Variants in PDSS2 observed in about 807,000 individuals in gnomAD.
The protein encoded by PDSS2 is all trans-polyprenyl-diphosphate synthase PDSS2.
PDSS2 carries 31 observed loss-of-function variants against 44.5 expected under a neutral mutation model. That is an observed-to-expected ratio of 0.70 (90% CI 0.52 to 0.94). The LOEUF is 0.94. Ranked by LOEUF, PDSS2 falls within the 40% of genes least tolerant of loss-of-function variation. The pLI, the probability that PDSS2 is intolerant of heterozygous loss-of-function variation, is 0.00. For missense variants in PDSS2, 452 were observed against 482.2 expected (o/e 0.94, Z 0.59); for synonymous variants, 157 against 180.3 (o/e 0.87, Z 1.03).
intron 2 of PDSS2, among the ~76,000 whole-genome samples, chr6:107,306,324 C>G (rs946048348): frequency 2.6e-5 from 4 of 152,148 alleles, no homozygotes; most frequent in Admixed American, 2.0e-4. Flanking sequence ...CTCATGAGAT[C>G]TGATGGTTTT....
At chr6:107,253,778 CA>C (rs1386000845) in intron 3 of PDSS2, among the ~76,000 whole-genome samples, 5 of 152,060 alleles carry the variant, frequency 3.3e-5, no homozygotes, top group Non-Finnish European at 5.9e-5. Flanking sequence ...GAAGCAATGC[CA>C]AATAGTCATT....
intron 1 of PDSS2, among the ~76,000 whole-genome samples, chr6:107,345,280 C>G (rs1365424411): frequency 2.0e-5 from 3 of 150,332 alleles, no homozygotes; most frequent in African/African-American, 7.4e-5. Flanking sequence ...CATTCAAATG[C>G]AAGAGAACTA....
At chr6:107,458,649 T>TAAA (rs34853592) in intron 1 of PDSS2, among the ~76,000 whole-genome samples, 1 of 143,312 alleles carries the variant, frequency 7.0e-6, no homozygotes, top group East Asian at 2.0e-4. Context: ...TCTATCCCAT[T>TAAA]AAAAAAAAAA....
At chr6:107,341,564 G>A (rs921792410) in intron 1 of PDSS2, among the ~76,000 whole-genome samples, 2 of 151,920 alleles carry the variant, frequency 1.3e-5, no homozygotes, top group African/African-American at 4.8e-5. Flanking sequence ...GAGAAGGGAA[G>A]GGAATCTTGG....
At chr6:107,242,132 A>T (rs1335683107) in intron 4 of PDSS2, among the ~76,000 whole-genome samples, 1 of 152,134 alleles carries the variant, frequency 6.6e-6, no homozygotes, top group Non-Finnish European at 1.5e-5. Flanking sequence ...AAAAGCCAGA[A>T]TTTTTCTGGT....
rs886060929 is a variant in PDSS2, at chr6:107,334,214, T to C, written c.415A>G (p.Ser139Gly). Reference protein sequence around the residue: ...NTSCQNYDMVSGIYSCQRSLA... With the variant: ...NTSCQNYDMVGGIYSCQRSLA... ...TCTTCTTACCATGAGTAGATCCCAC[T>C]GACCATGTCATAGTTCTGACATGAA... Residue 139 changes from serine to glycine, a missense_variant, in exon 2 of 8, where the codon AGT becomes GGT. Physicochemically the swap from Ser to Gly is moderately conservative, Grantham distance 56. Coordinates refer to ENST00000369037, the MANE Select transcript of PDSS2 (RefSeq NM_020381.4). 6.2e-7 allele frequency: 1 copy of C among 1,613,846 alleles called. No homozygotes were observed. Among genetic ancestry groups the C allele is most frequent in the Non-Finnish European group, 8.5e-7 (1 of 1,179,856 alleles).
At chr6:107,198,711 T>C (rs1772650863) in intron 6 of PDSS2, among the ~76,000 whole-genome samples, 1 of 152,068 alleles carries the variant, frequency 6.6e-6, no homozygotes, top group African/African-American at 2.4e-5. Context: ...ATTCCAACAC[T>C]TTGGGAGACC....
Position 107,204,580 on chromosome 6 carries a change from A to G in PDSS2, c.1008+5859T>C, listed in dbSNP as rs149049375. 8.5e-4 allele frequency among the ~76,000 whole-genome samples: 130 copies of G among 152,276 alleles called. 1 individual carries two copies. The highest frequency in any genetic ancestry group is 3.0e-3 in the African/African-American group (125 of 41,570). Reference sequence around the variant, plus strand: ...GACAACATTGCATGCCTGCACCTGTATCACTTTTTCATGGTTTCCTTTGCC... The same window carrying G: ...GACAACATTGCATGCCTGCACCTGTGTCACTTTTTCATGGTTTCCTTTGCC... On this transcript the variant is annotated intron_variant, in intron 6 of 7. Transcript: ENST00000369037.
chr6:107,418,607 G>A (rs1229463079), intron 1 of PDSS2, among the ~76,000 whole-genome samples: 1 of 151,882 alleles, frequency 6.6e-6, no homozygotes, highest in Admixed American at 6.6e-5. Flanking sequence ...CCCCGCATCT[G>A]CCAAAAATAC....
chr6:107,219,765 C>T (rs1773538084), intron 4 of PDSS2, among the ~76,000 whole-genome samples: 1 of 152,162 alleles, frequency 6.6e-6, no homozygotes, highest in African/African-American at 2.4e-5. Flanking sequence ...AGACCTGGTA[C>T]TAGTCACTTT....
intron 4 of PDSS2, among the ~76,000 whole-genome samples, chr6:107,228,063 T>C (rs1773895314): frequency 6.6e-6 from 1 of 152,222 alleles, no homozygotes; most frequent in Non-Finnish European, 1.5e-5. Context: ...CTAATAGTGA[T>C]GTTTTATCTC....
rs552486965 is a variant in PDSS2 at position 107,414,582 on chromosome 6, C to T, written c.296+44408G>A. ...CTAAACTGGATGCCAAAATAAGGCT[C>T]TAGCTGCTCAGAAATACTTCCTTCT... On this transcript the variant is annotated intron_variant, in intron 1 of 7. Coordinates refer to ENST00000369037, the MANE Select transcript of PDSS2 (RefSeq NM_020381.4). Among the ~76,000 whole-genome samples, 3 of 152,348 alleles carry T rather than the reference C, an allele frequency of 2.0e-5. No individual in the cohort carries two copies. In the South Asian group the frequency reaches 6.2e-4, roughly 32 times the overall value.
intron 2 of PDSS2, among the ~76,000 whole-genome samples, chr6:107,309,553 A>G (rs1036354237): frequency 6.6e-6 from 1 of 152,172 alleles, no homozygotes; most frequent in African/African-American, 2.4e-5. Context: ...TCTCTATGAA[A>G]AAGACTGAGC....
intron 4 of PDSS2, among the ~76,000 whole-genome samples, chr6:107,233,674 G>C (rs751063875): frequency 6.6e-6 from 1 of 151,894 alleles, no homozygotes; most frequent in African/African-American, 2.4e-5. Flanking sequence ...TTAGGCAGGC[G>C]TGGTGGTGTA....
At position 107,245,605 on chromosome 6, in the gene PDSS2, T is replaced by C; in HGVS notation, c.645A>G (p.Leu215=). 6.3e-7 allele frequency: 1 copy of C among 1,587,580 alleles called. No individual in the cohort carries two copies. Reference sequence around the variant, plus strand: ...GTACCAAGTCCATAAGAGCACTTGCTAAAAGTTCCACAACCTAAAAAGCAA... The same window carrying C: ...GTACCAAGTCCATAAGAGCACTTGCCAAAAGTTCCACAACCTAAAAAGCAA... ...LLQNTKVVEL[L]ASALMDLVQG... is the part of the protein sequence containing the mutation. Residue 215 remains leucine, a synonymous_variant, in exon 4 of 8, where the codon TTA becomes TTG. Coordinates refer to ENST00000369037, the MANE Select transcript of PDSS2 (RefSeq NM_020381.4).
At chr6:107,326,196 G>A (rs1777540257) in intron 2 of PDSS2, among the ~76,000 whole-genome samples, 1 of 150,486 alleles carries the variant, frequency 6.6e-6, no homozygotes, top group Non-Finnish European at 1.5e-5. Context: ...TCCGTCTCCC[G>A]GGTTGAAGTG....
At chr6:107,384,110 G>T (rs1779534093) in intron 1 of PDSS2, among the ~76,000 whole-genome samples, 1 of 152,114 alleles carries the variant, frequency 6.6e-6, no homozygotes, top group African/African-American at 2.4e-5. Flanking sequence ...GTACAACATA[G>T]ACGAACCCTG....
intron 7 of PDSS2, among the ~76,000 whole-genome samples, chr6:107,164,616 G>A (rs1376458122): frequency 1.6e-4 from 25 of 152,084 alleles, no homozygotes; most frequent in South Asian, 4.2e-4. Flanking sequence ...GAATAGTGCC[G>A]CAATAAACAT....
intron 1 of PDSS2, among the ~76,000 whole-genome samples, chr6:107,457,074 T>G (rs78305379): frequency 2.0e-5 from 3 of 152,182 alleles, no homozygotes; most frequent in African/African-American, 7.2e-5. Context: ...TAAGGTGACA[T>G]TCCTGATAAC....
Sources: allele counts gnomAD v4.1 joint callset (sites outside exome capture counted in the v4.1 genomes callset), GRCh38; gene constraint gnomAD v4.1.1; transcripts MANE v1.5; gene names NCBI Gene and HGNC (gene_info 2026-07-23, HGNC 2026-07-21).